Variants in WNT2B observed in about 807,000 individuals in gnomAD.
WNT2B encodes protein Wnt-2b.
Under a neutral mutation model 40.5 loss-of-function variants are expected in WNT2B, and 19 were observed. The ratio of observed to expected loss-of-function variants is 0.47; its 90% CI spans 0.33 to 0.69. The LOEUF is 0.69. WNT2B is among the 30% of genes least tolerant of loss of function. The probability of loss-of-function intolerance (pLI) is 0.02; values close to 1 mark genes in which losing one functional copy is unlikely to be tolerated. For synonymous variants in WNT2B, 220 were observed against 211.9 expected (o/e 1.04, Z -0.33); for missense variants, 467 against 556.4 (o/e 0.84, Z 1.62).
At chr1:112,512,314 T>G (rs7516521) in intron 1 of WNT2B, among the ~76,000 whole-genome samples, 10,112 of 152,252 alleles carry the variant, frequency 0.066, 1,101 homozygotes, top group African/African-American at 0.22. Flanking sequence ...GGATATTGAA[T>G]TGAACAAAAC....
Position 112,511,011 on chromosome 1 carries a change from T to C in WNT2B, c.182+1567T>C, listed in dbSNP as rs140545395. ...CTTTTTGGGACTCTTGATTGCTTCTTACCAGTTTGGGATATAGTCTTGGGG... is the reference window on the plus strand; with the variant it reads ...CTTTTTGGGACTCTTGATTGCTTCTCACCAGTTTGGGATATAGTCTTGGGG... On this transcript the variant is annotated intron_variant, in intron 1 of 4. Transcript: ENST00000369684. 4.9e-3 allele frequency among the ~76,000 whole-genome samples: 747 copies of C among 152,026 alleles called. 7 individuals carry two copies. Among genetic ancestry groups the C allele is most frequent in the African/African-American group, 0.017 (717 of 41,296 alleles).
At chr1:112,487,764 C>G (rs1651462487) in intron 1 of WNT2B, among the ~76,000 whole-genome samples, 1 of 151,694 alleles carries the variant, frequency 6.6e-6, no homozygotes, top group African/African-American at 2.4e-5. Flanking sequence ...GAAACCCTGT[C>G]TCTACTAAAA....
At chr1:112,516,593 G>C (rs1652556874) in intron 3 of WNT2B, among the ~76,000 whole-genome samples, 176 bp downstream of exon 3, 1 of 152,194 alleles carries the variant, frequency 6.6e-6, no homozygotes, top group Admixed American at 6.5e-5. Flanking sequence ...AATGCCTAGG[G>C]TCAATCAGGT....
chr1:112,511,154 C>T (rs1244485750), intron 1 of WNT2B, among the ~76,000 whole-genome samples: 1 of 152,026 alleles, frequency 6.6e-6, no homozygotes, highest in Non-Finnish European at 1.5e-5. Context: ...TGACTACTCC[C>T]TCTCCCTTTT....
chr1:112,472,725 G>C (rs1484675598), intron 1 of WNT2B, among the ~76,000 whole-genome samples: 2 of 152,046 alleles, frequency 1.3e-5, no homozygotes, highest in Non-Finnish European at 2.9e-5. Flanking sequence ...AGAAAAATAT[G>C]GCAAATAATT....
At chr1:112,471,417 C>T (rs891045357) in intron 1 of WNT2B, among the ~76,000 whole-genome samples, 3 of 152,212 alleles carry the variant, frequency 2.0e-5, no homozygotes, top group African/African-American at 7.2e-5. Flanking sequence ...TCAGGTATTT[C>T]CCATAACTTC....
chr1:112,504,234 G>T (rs542680615), upstream of WNT2B, among the ~76,000 whole-genome samples: 22 of 152,064 alleles, frequency 1.4e-4, no homozygotes, highest in African/African-American at 4.8e-5. Flanking sequence ...GTGCCAAAAG[G>T]CTCCAGACAC....
chr1:112,499,398 A>G (rs1306529057), intron 1 of WNT2B, among the ~76,000 whole-genome samples: 2 of 152,184 alleles, frequency 1.3e-5, no homozygotes, highest in African/African-American at 4.8e-5. Context: ...AGATGCAAAA[A>G]TCCACAAAAT....
In WNT2B at chr1:112,515,241, T is replaced by C. The variant is rs880727; in HGVS notation, c.403+147T>C. On this transcript the variant is annotated intron_variant, in intron 2 of 4. Transcript: ENST00000369684. This position sits in a 1 kb window ranked among gnomAD's most constrained non-coding sequence, Gnocchi z 4.4. ...ACTGTGGGCAGAGCCCAGGATATAA[T>C]TGGGAACAGACTCTTAGCATCTTAG... 9,606 of 999,736 alleles carry C rather than the reference T, an allele frequency of 9.6e-3. 644 individuals are homozygous for C. In the African/African-American group the frequency reaches 0.14, roughly 14 times the overall value. 61.9% of individuals were successfully genotyped at this position (999,736 alleles called of 1,614,324 possible). A position where few individuals can be genotyped will look rare whatever the true frequency, so the allele number is the denominator to read the frequency against.
chr1:112,501,240 G>A (rs1050477757), intron 1 of WNT2B, among the ~76,000 whole-genome samples: 8 of 152,064 alleles, frequency 5.3e-5, no homozygotes, highest in Non-Finnish European at 7.4e-5. Context: ...TTGTTTTATC[G>A]CATCATATCA....
At position 112,521,193 on chromosome 1, in the gene WNT2B, G is replaced by C. The variant is rs1486532441; in HGVS notation, c.*684G>C. 1 of 152,164 alleles carries C rather than the reference G, an allele frequency of 6.6e-6. No individual in the cohort carries two copies. Among genetic ancestry groups the C allele is most frequent in the East Asian group, 1.9e-4 (1 of 5,192 alleles). The allele number at this position is 152,164 out of a possible 1,614,324, so 9.4% of individuals were successfully genotyped here. On this transcript the variant is annotated 3_prime_UTR_variant, in exon 5 of 5. Coordinates refer to ENST00000369684, the MANE Select transcript of WNT2B (RefSeq NM_024494.3). ...ACAGCACTGCCTCTTTTGCTTACTT[G>C]CTGCCTGTTCAAACTGAGGTGGAAT...
At chr1:112,510,454 C>T (rs1020323782) in intron 1 of WNT2B, among the ~76,000 whole-genome samples, 3 of 152,098 alleles carry the variant, frequency 2.0e-5, no homozygotes, top group Admixed American at 6.5e-5. Flanking sequence ...CCAGGCAGTG[C>T]CTCCCGTCCT....
intron 1 of WNT2B, among the ~76,000 whole-genome samples, chr1:112,493,255 T>C (rs373725833): frequency 3.9e-5 from 6 of 152,312 alleles, no homozygotes; most frequent in African/African-American, 1.4e-4. Context: ...ATGCCTTTGA[T>C]GAGTTTGTTA....
chr1:112,498,973 C>T (rs952565567), intron 1 of WNT2B, among the ~76,000 whole-genome samples: 5 of 152,032 alleles, frequency 3.3e-5, no homozygotes, highest in East Asian at 1.9e-4. Context: ...TTTGGGAGGC[C>T]GAGGCAGGTG....
chr1:112,500,932 T>C (rs919857168), intron 1 of WNT2B, among the ~76,000 whole-genome samples: 1 of 152,234 alleles, frequency 6.6e-6, no homozygotes, highest in Non-Finnish European at 1.5e-5. Flanking sequence ...GGACCAATAC[T>C]AATATATTAT....
At position 112,509,750 on chromosome 1, in the gene WNT2B, C is replaced by T. The variant is rs1423429522; in HGVS notation, c.182+306C>T. ...GCCCCTTAGGGCAGAAGCTACCTTCCGAGTTTCCCTCAGGGTGAGTTCAAG... is the reference window on the plus strand; with the variant it reads ...GCCCCTTAGGGCAGAAGCTACCTTCTGAGTTTCCCTCAGGGTGAGTTCAAG... On this transcript the variant is annotated intron_variant, in intron 1 of 4. Coordinates refer to ENST00000369684, the MANE Select transcript of WNT2B (RefSeq NM_024494.3). The surrounding 1 kb of genome is among the most constrained non-coding windows in gnomAD (Gnocchi z 4.2). 6.6e-6 allele frequency among the ~76,000 whole-genome samples: 1 copy of T among 152,160 alleles called. No homozygotes were observed. Among genetic ancestry groups the T allele is most frequent in the Non-Finnish European group, 1.5e-5 (1 of 68,022 alleles).
At chr1:112,467,457 C>T (rs2101044909) in exon 1 of WNT2B, 1 of 739,442 alleles carries the variant, frequency 1.4e-6, no homozygotes, top group South Asian at 1.5e-5. Flanking sequence ...GTAAAATTTG[C>T]AAAATAAGAT....
intron 1 of WNT2B, among the ~76,000 whole-genome samples, chr1:112,470,872 G>T (rs953506976): frequency 7.5e-6 from 1 of 132,552 alleles, no homozygotes; most frequent in Non-Finnish European, 1.6e-5. Flanking sequence ...GCCACTGCTG[G>T]GGGCAAGGTC....
chr1:112,506,236 C>A (rs1265204277), upstream of WNT2B, among the ~76,000 whole-genome samples: 1 of 152,186 alleles, frequency 6.6e-6, no homozygotes, highest in African/African-American at 2.4e-5. Flanking sequence ...TGTGCTCAAG[C>A]CATCCTCCCA....
Sources: allele counts gnomAD v4.1 joint callset (sites outside exome capture counted in the v4.1 genomes callset), GRCh38; gene constraint gnomAD v4.1.1; non-coding constraint Gnocchi (gnomAD v3.1); transcripts MANE v1.5; gene names NCBI Gene and HGNC (gene_info 2026-07-23, HGNC 2026-07-21).